MARCHF1: variants seen among roughly 807,000 people sequenced by gnomAD.
MARCHF1 encodes membrane associated ring-CH-type finger 1.
In MARCHF1, 40 loss-of-function variants were observed where a neutral mutation model predicts 54.2. That is an observed-to-expected ratio of 0.74 (90% CI 0.57 to 0.96). MARCHF1 has a LOEUF of 0.96. Among genes scored for constraint, MARCHF1 ranks in the 40% least tolerant of loss-of-function variants. The pLI, the probability that MARCHF1 is intolerant of heterozygous loss-of-function variation, is 0.00. For synonymous variants in MARCHF1, 236 were observed against 236.3 expected, an observed-to-expected ratio of 1.00 and a Z score of 0.01; for missense variants, 586 against 656.5, an observed-to-expected ratio of 0.89 and a Z score of 1.17.
chr4:164,303,291 C>A (rs1313520480), intron 1 of MARCHF1, among the ~76,000 whole-genome samples: 1 of 152,124 alleles, frequency 6.6e-6, no homozygotes, highest in African/African-American at 2.4e-5. Context: ...TGATTTATTC[C>A]AGTGCAATAA....
intron 1 of MARCHF1, among the ~76,000 whole-genome samples, chr4:164,171,084 T>G (rs7699446): frequency 0.045 from 6,926 of 152,296 alleles, 217 homozygotes; most frequent in Middle Eastern, 0.15. Context: ...ATATTCATTT[T>G]TTATCATTCA....
chr4:164,350,936 C>T (rs1260412722), intron 1 of MARCHF1, among the ~76,000 whole-genome samples: 3 of 152,044 alleles, frequency 2.0e-5, no homozygotes, highest in Non-Finnish European at 4.4e-5. Context: ...CAGGGCGAGG[C>T]ATTGCCTCAC....
At chr4:164,159,630 A>C (rs1436775107) in intron 1 of MARCHF1, among the ~76,000 whole-genome samples, 2 of 152,142 alleles carry the variant, frequency 1.3e-5, no homozygotes, top group Non-Finnish European at 2.9e-5. Context: ...TCTCAATATG[A>C]GCTTCTGTGT....
chr4:163,858,905 A>G (rs905553475), intron 3 of MARCHF1, among the ~76,000 whole-genome samples: 3 of 152,162 alleles, frequency 2.0e-5, no homozygotes, highest in African/African-American at 7.2e-5. Context: ...AGATTACTGT[A>G]TATGATAAAT....
chr4:164,238,332 A>C lies in MARCHF1; in HGVS notation c.-322-126670T>G, dbSNP rs939294190. Among the ~76,000 whole-genome samples, 7 of 152,136 alleles carry C rather than the reference A, an allele frequency of 4.6e-5. No individual in the cohort carries two copies. The East Asian group carries it at 1.4e-3, about 29-fold the overall frequency. On this transcript the variant is annotated intron_variant, in intron 1 of 9. Coordinates refer to ENST00000514618, the MANE Select transcript of MARCHF1 (RefSeq NM_001394959.1). ...AGTCTACAGAGAAAAAACAATAGTA[A>C]ATCCATTAGAAAGTTGAATCAACAG...
intron 3 of MARCHF1, among the ~76,000 whole-genome samples, chr4:163,903,757 C>T (rs1377037853): frequency 1.3e-5 from 2 of 151,930 alleles, no homozygotes; most frequent in African/African-American, 4.8e-5. Flanking sequence ...ACTATAAGCA[C>T]CTGCACCACC....
intron 4 of MARCHF1, among the ~76,000 whole-genome samples, chr4:163,822,291 C>CT: frequency 1.3e-5 from 2 of 151,936 alleles, no homozygotes; most frequent in South Asian, 4.2e-4. Context: ...GTAATTATTT[C>CT]TACTTTGTGC....
chr4:164,194,325 T>C (rs1731196770), intron 1 of MARCHF1, among the ~76,000 whole-genome samples: 4 of 152,162 alleles, frequency 2.6e-5, no homozygotes. Flanking sequence ...TAAAATTACT[T>C]TAAGAAACAG....
At chr4:164,371,137 C>T (rs565199604) in intron 1 of MARCHF1, among the ~76,000 whole-genome samples, 1 of 152,150 alleles carries the variant, frequency 6.6e-6, no homozygotes, top group South Asian at 2.1e-4. Flanking sequence ...TATATGGCAC[C>T]TAGATATGCC....
intron 8 of MARCHF1, among the ~76,000 whole-genome samples, chr4:163,548,190 G>C (rs1738975904): frequency 6.6e-6 from 1 of 152,204 alleles, no homozygotes; most frequent in South Asian, 2.1e-4. Context: ...ATAGCATTTT[G>C]CAATTTAATA....
At chr4:164,315,812 CAT>C (rs1734981538) in intron 1 of MARCHF1, among the ~76,000 whole-genome samples, 1 of 152,250 alleles carries the variant, frequency 6.6e-6, no homozygotes, top group Admixed American at 6.5e-5. Flanking sequence ...CTACGTTAAT[CAT>C]AGACGCTTTT....
At chr4:164,356,975 G>C (rs1479704911) in intron 1 of MARCHF1, among the ~76,000 whole-genome samples, 1 of 151,740 alleles carries the variant, frequency 6.6e-6, no homozygotes, top group Non-Finnish European at 1.5e-5. Context: ...TGGGTGGAGG[G>C]TAGGAGGCAG....
At chr4:164,325,453 C>T (rs980839122) in intron 1 of MARCHF1, among the ~76,000 whole-genome samples, 3 of 151,504 alleles carry the variant, frequency 2.0e-5, no homozygotes, top group Admixed American at 6.6e-5. Flanking sequence ...TTGCTACATA[C>T]CTAAAAGTAT....
chr4:163,556,467 A>T (rs72989850), intron 8 of MARCHF1, among the ~76,000 whole-genome samples: 16,290 of 151,992 alleles, frequency 0.11, 1,067 homozygotes, highest in East Asian at 0.34. Context: ...GCTTATTCTC[A>T]TGGGTCAAAA....
intron 8 of MARCHF1, chr4:163,555,807 T>A: frequency 2.8e-6 from 1 of 361,842 alleles, no homozygotes; most frequent in Non-Finnish European, 5.8e-6. Flanking sequence ...GATGATGTTT[T>A]CCCTGGAAGC....
At chr4:164,306,641 T>C (rs1301016253) in intron 1 of MARCHF1, among the ~76,000 whole-genome samples, 1 of 152,116 alleles carries the variant, frequency 6.6e-6, no homozygotes, top group Non-Finnish European at 1.5e-5. Flanking sequence ...ATATTCCTTC[T>C]AAAACTAAGA....
intron 1 of MARCHF1, among the ~76,000 whole-genome samples, chr4:164,285,787 C>T (rs1734131304): frequency 7.1e-6 from 1 of 140,710 alleles, no homozygotes; most frequent in Non-Finnish European, 1.5e-5. Flanking sequence ...AGTTGAATAT[C>T]CTAATATTGC....
At chr4:164,260,794 A>C (rs1733439601) in intron 1 of MARCHF1, among the ~76,000 whole-genome samples, 1 of 152,236 alleles carries the variant, frequency 6.6e-6, no homozygotes, top group Non-Finnish European at 1.5e-5. Context: ...TGGATTTTGC[A>C]AAAGCACTTT....
intron 5 of MARCHF1, among the ~76,000 whole-genome samples, chr4:163,666,890 G>T (rs575318105): frequency 6.6e-6 from 1 of 152,062 alleles, no homozygotes; most frequent in Non-Finnish European, 1.5e-5. Context: ...TGATGTTCTT[G>T]TGTTATGCGT....
Sources: gnomAD v4.1 joint callset for allele counts (sites outside exome capture counted in the v4.1 genomes callset) on GRCh38, gnomAD v4.1.1 for gene constraint, MANE v1.5 for transcripts, NCBI Gene and HGNC (gene_info 2026-07-23, HGNC 2026-07-21) for gene names.